Variants in TAF12 observed in about 807,000 individuals in gnomAD.
TAF12 encodes the protein transcription initiation factor TFIID subunit 12.
Under a neutral mutation model 20.8 loss-of-function variants are expected in TAF12, and 3 were observed. The observed-to-expected ratio is 0.14, with a 90% CI of 0.07 to 0.37. The LOEUF is 0.37. Among genes scored for constraint, TAF12 ranks in the 10% least tolerant of loss-of-function variants. The pLI, the probability that TAF12 is intolerant of heterozygous loss-of-function variation, is 1.00. For missense variants in TAF12, 131 were observed against 197.9 expected, an observed-to-expected ratio of 0.66 and a Z score of 2.03; for synonymous variants, 69 against 70.2, an observed-to-expected ratio of 0.98 and a Z score of 0.09.
At chr1:28,633,018 C>CTGT (rs1322451311) in intron 1 of TAF12, among the ~76,000 whole-genome samples, 1 of 151,928 alleles carries the variant, frequency 6.6e-6, no homozygotes, top group Non-Finnish European at 1.5e-5. Flanking sequence ...TATACACCAC[C>CTGT]ATGCCCAGCT....
At chr1:28,619,673 G>A (rs1008473784) in intron 2 of TAF12, among the ~76,000 whole-genome samples, 11 of 137,486 alleles carry the variant, frequency 8.0e-5, no homozygotes, top group Admixed American at 1.5e-4. Flanking sequence ...AAAAAAAGCC[G>A]GGTACGGTGG....
At chr1:28,641,854 A>G (rs979435155) in intron 1 of TAF12, among the ~76,000 whole-genome samples, 3 of 152,050 alleles carry the variant, frequency 2.0e-5, no homozygotes, top group African/African-American at 7.2e-5. Context: ...AGATTCTAGA[A>G]GCATTTAAGG....
At chr1:28,630,203 C>T (rs954008894) in intron 1 of TAF12, among the ~76,000 whole-genome samples, 1 of 152,188 alleles carries the variant, frequency 6.6e-6, no homozygotes, top group African/African-American at 2.4e-5. Flanking sequence ...GCCTCAGCCT[C>T]CCAAAGTGCT....
At chr1:28,630,760 G>A (rs76644045) in intron 1 of TAF12, among the ~76,000 whole-genome samples, 6,015 of 151,662 alleles carry the variant, frequency 0.04, 382 homozygotes, top group African/African-American at 0.14. Context: ...AAGAAGATAA[G>A]TTGGGCCAGG....
chr1:28,611,763 TTTG>T (rs959129396), intron 4 of TAF12, among the ~76,000 whole-genome samples: 1 of 152,104 alleles, frequency 6.6e-6, no homozygotes, highest in Admixed American at 6.6e-5. Context: ...GAGAAAATTT[TTTG>T]TTGTTTTAAG....
At chr1:28,645,077 C>T (rs980989804), upstream of TAF12, among the ~76,000 whole-genome samples, 8 of 151,826 alleles carry the variant, frequency 5.3e-5, no homozygotes, top group African/African-American at 1.9e-4. Flanking sequence ...GCTGTTTCAC[C>T]CAGGCCGGAC....
At chr1:28,613,190 T>C in intron 4 of TAF12, 57 bp downstream of exon 4, 2 of 1,459,774 alleles carry the variant, frequency 1.4e-6, no homozygotes, top group South Asian at 1.3e-5. Context: ...ACACTTTCCC[T>C]GGCAGTCCTG....
intron 1 of TAF12, among the ~76,000 whole-genome samples, chr1:28,629,370 C>CT (rs1458631025): frequency 6.6e-6 from 1 of 152,194 alleles, no homozygotes; most frequent in Non-Finnish European, 1.5e-5. Context: ...CAGTCTCACT[C>CT]TGTCACCCAG....
At chr1:28,620,241 C>G (rs943427708) in intron 2 of TAF12, among the ~76,000 whole-genome samples, 4 of 150,182 alleles carry the variant, frequency 2.7e-5, no homozygotes, top group Non-Finnish European at 4.4e-5. Flanking sequence ...TCAGGTGATT[C>G]TTTTGCCTCA....
At chr1:28,641,203 C>T (rs539854608) in intron 1 of TAF12, among the ~76,000 whole-genome samples, 1 of 151,976 alleles carries the variant, frequency 6.6e-6, no homozygotes, top group South Asian at 2.1e-4. Flanking sequence ...AAAACTGGGC[C>T]GGGCGCAGTG....
At chr1:28,646,676 C>T (rs990446483), upstream of TAF12, among the ~76,000 whole-genome samples, 1 of 151,292 alleles carries the variant, frequency 6.6e-6, no homozygotes, top group Non-Finnish European at 1.5e-5. Context: ...ATTACAGGCA[C>T]CTGCCACCAC....
At chr1:28,648,160 A>C in intron 1 of TAF12, 3 of 985,290 alleles carry the variant, frequency 3.0e-6, no homozygotes, top group Non-Finnish European at 3.6e-6. Context: ...CACATTTTCA[A>C]TTTGGATAGG....
At chr1:28,606,199 ATCTC>A (rs2124291978) in intron 4 of TAF12, among the ~76,000 whole-genome samples, 1 of 152,042 alleles carries the variant, frequency 6.6e-6, no homozygotes, top group East Asian at 1.9e-4. Flanking sequence ...GGGTTTCACC[ATCTC>A]GGTCAGGCTG....
upstream of TAF12, chr1:28,643,115 C>CG: frequency 1.0e-6 from 1 of 985,916 alleles, no homozygotes; most frequent in Non-Finnish European, 1.2e-6. Flanking sequence ...GCCTCCAACC[C>CG]GGAAACGCGC....
At chr1:28,615,678 CAAAAAAAAAAAAAAAAAAAAA>C (rs57536422) in intron 3 of TAF12, among the ~76,000 whole-genome samples, 51 of 34,504 alleles carry the variant, frequency 1.5e-3, no homozygotes, top group African/African-American at 6.2e-3. Flanking sequence ...GACTCCGTCT[CAAAAAAAAAAAAAAAAAAAAA>C]AAAAAAAAAA....
intron 1 of TAF12, among the ~76,000 whole-genome samples, chr1:28,635,157 G>C (rs191177725): frequency 3.3e-4 from 49 of 149,668 alleles, no homozygotes; most frequent in African/African-American, 1.2e-3. Flanking sequence ...GCGAACCCGG[G>C]AGGTGGAGCT....
intron 4 of TAF12, among the ~76,000 whole-genome samples, chr1:28,607,452 C>T (rs1263660602): frequency 6.6e-6 from 1 of 152,154 alleles, no homozygotes; most frequent in Non-Finnish European, 1.5e-5. Context: ...GGGCGGATCA[C>T]CTGAAGTCAG....
intron 4 of TAF12, among the ~76,000 whole-genome samples, chr1:28,611,229 G>A (rs938190444): frequency 1.4e-5 from 2 of 143,744 alleles, no homozygotes; most frequent in African/African-American, 5.0e-5. Context: ...GGGAAGATGG[G>A]AAGGGTAGGA....
intron 4 of TAF12, among the ~76,000 whole-genome samples, chr1:28,606,749 A>G (rs1666681545): frequency 6.6e-6 from 1 of 152,196 alleles, no homozygotes; most frequent in Non-Finnish European, 1.5e-5. Context: ...CACCTAAGGG[A>G]CATGAAGGCA....
Sources: gnomAD v4.1 joint callset for allele counts (sites outside exome capture counted in the v4.1 genomes callset) on GRCh38, gnomAD v4.1.1 for gene constraint, MANE v1.5 for transcripts, NCBI Gene and HGNC (gene_info 2026-07-23, HGNC 2026-07-21) for gene names.